Variants in TNFSF15 observed in about 807,000 individuals in gnomAD.
TNFSF15 encodes the protein TNF superfamily member 15, also known as tumor necrosis factor ligand superfamily member 15.
Under a neutral mutation model 26.4 loss-of-function variants are expected in TNFSF15, and 15 were observed. The observed-to-expected ratio is 0.57, with a 90% CI of 0.38 to 0.87. The LOEUF (loss-of-function observed/expected upper bound fraction) is 0.87. TNFSF15 is among the 40% of genes least tolerant of loss of function. The pLI, the probability that TNFSF15 is intolerant of heterozygous loss-of-function variation, is 0.00. For missense variants in TNFSF15, 290 were observed against 306.1 expected, an observed-to-expected ratio of 0.95 and a Z score of 0.39; for synonymous variants, 116 against 115.0, an observed-to-expected ratio of 1.01 and a Z score of -0.06.
At position 114,787,380 on chromosome 9, in the gene TNFSF15, A is replaced by G. The variant is rs1829519509; in HGVS notation, c.*3072T>C. ...TTAGCTAATACAACCAAAATAAATT[A>G]AAGAATCTGCAGACAGTAGAGGTGC... On this transcript the variant is annotated 3_prime_UTR_variant, in exon 4 of 4. Transcript: ENST00000374045. The G allele has an allele frequency of 6.6e-6, 1 of 152,242 alleles. No homozygotes were observed. Among genetic ancestry groups the G allele is most frequent in the Non-Finnish European group, 1.5e-5 (1 of 68,052 alleles). 9.4% of individuals were successfully genotyped at this position (152,242 alleles called of 1,614,324 possible). A position where few individuals can be genotyped will look rare whatever the true frequency, so the allele number is the denominator to read the frequency against.
rs1829481668 is a variant in TNFSF15 at position 114,785,339 on chromosome 9, C to T, written c.*5113G>A. The T allele has an allele frequency of 6.6e-6, 1 of 152,166 alleles. No individual in the cohort carries two copies. The highest frequency in any genetic ancestry group is 1.5e-5 in the Non-Finnish European group (1 of 68,038). The allele number at this position is 152,166 out of a possible 1,614,324, so 9.4% of individuals were successfully genotyped here. A position where few individuals can be genotyped will look rare whatever the true frequency, so the allele number is the denominator to read the frequency against. Reference sequence around the variant, plus strand: ...TCATTTCTAAAATTCCATGACATTTCTCTATTGGCCAAGATCTTAGGGGTA... The same window carrying T: ...TCATTTCTAAAATTCCATGACATTTTTCTATTGGCCAAGATCTTAGGGGTA... On this transcript the variant is annotated 3_prime_UTR_variant, in exon 4 of 4. Transcript: ENST00000374045.
intron 1 of TNFSF15, among the ~76,000 whole-genome samples, chr9:114,805,326 G>A (rs778563292): frequency 7.2e-5 from 11 of 151,888 alleles, no homozygotes; most frequent in South Asian, 2.1e-4. Flanking sequence ...GAATAATCTC[G>A]TCTCATTAAA....
chr9:114,798,038 CAG>C (rs1198335097), intron 1 of TNFSF15, among the ~76,000 whole-genome samples: 7 of 152,140 alleles, frequency 4.6e-5, no homozygotes, highest in Non-Finnish European at 1.0e-4. Context: ...TGACTTCAGC[CAG>C]AGTTTTATAA....
chr9:114,801,076 G>A lies in TNFSF15; in HGVS notation c.210+4727C>T, dbSNP rs773032050. Among the ~76,000 whole-genome samples the A allele has an allele frequency of 2.6e-5, 4 of 152,194 alleles. No individual in the cohort carries two copies. In the East Asian group the frequency reaches 7.7e-4, roughly 29 times the overall value. On this transcript the variant is annotated intron_variant, in intron 1 of 3. Coordinates refer to ENST00000374045, the MANE Select transcript of TNFSF15 (RefSeq NM_005118.4). ...AGTAGAACTGAAAAGGGAAGGACAG[G>A]TTGGGCAGTGGTTAAACCCTGGGCA...
intron 1 of TNFSF15, among the ~76,000 whole-genome samples, chr9:114,797,827 A>G (rs1025785945): frequency 6.6e-6 from 1 of 152,208 alleles, no homozygotes; most frequent in African/African-American, 2.4e-5. Context: ...TCCAGGATCG[A>G]ATTTTATTAT....
chr9:114,791,111 G>T (rs1472279770), intron 3 of TNFSF15: 2 of 623,666 alleles, frequency 3.2e-6, no homozygotes, highest in African/African-American at 3.7e-5. Context: ...CTAGTGACCT[G>T]GGGCAAATTA....
intron 3 of TNFSF15, chr9:114,792,018 T>C (rs1301042949): frequency 5.2e-6 from 1 of 190,708 alleles, no homozygotes; most frequent in Non-Finnish European, 1.2e-5. Context: ...GCTGATAGAA[T>C]CTGAAAGAAA....
chr9:114,791,587 C>T (rs1227561621), intron 3 of TNFSF15: 2 of 168,172 alleles, frequency 1.2e-5, no homozygotes, highest in South Asian at 2.0e-4. Context: ...GGGTATGCTT[C>T]CTTTTTAACC....
At chr9:114,791,865 A>G (rs1460097950) in intron 3 of TNFSF15, 2 of 168,488 alleles carry the variant, frequency 1.2e-5, no homozygotes, top group Non-Finnish European at 2.9e-5. Flanking sequence ...CAGGGCACAG[A>G]TGAACTAGAT....
At chr9:114,801,959 T>C (rs1829754634) in intron 1 of TNFSF15, among the ~76,000 whole-genome samples, 1 of 152,254 alleles carries the variant, frequency 6.6e-6, no homozygotes, top group Non-Finnish European at 1.5e-5. Context: ...TCCTGAGATA[T>C]AACATGCATT....
At chr9:114,796,158 G>A (rs1343220951) in intron 1 of TNFSF15, among the ~76,000 whole-genome samples, 1 of 151,934 alleles carries the variant, frequency 6.6e-6, no homozygotes, top group East Asian at 1.9e-4. Context: ...TTTCTATTTT[G>A]CAATTTTCTC....
In TNFSF15 at chr9:114,789,715, T is replaced by C. The variant is rs528229591; in HGVS notation, c.*737A>G. 6.6e-5 allele frequency: 10 copies of C among 152,466 alleles called. No homozygotes were observed. Among genetic ancestry groups the C allele is most frequent in the South Asian group, 2.1e-4 (1 of 4,834 alleles). The allele number at this position is 152,466 out of a possible 1,614,324, so 9.4% of individuals were successfully genotyped here. On this transcript the variant is annotated 3_prime_UTR_variant, in exon 4 of 4. Transcript: ENST00000374045. ...TGAGTGGAGTCTGTCTTGTTTTTCA[T>C]AGTGTCTTCTGGGTTAAGGTAGAAC...
chr9:114,796,382 C>G (rs1418678753), intron 1 of TNFSF15, among the ~76,000 whole-genome samples: 1 of 152,220 alleles, frequency 6.6e-6, no homozygotes, highest in Admixed American at 6.5e-5. Context: ...AGTCCAATCT[C>G]ATTTTGTCTT....
rs780469766 is a variant in TNFSF15, at chr9:114,792,542, T to C, written c.254-88A>G. The C allele has an allele frequency of 3.8e-6, 6 of 1,597,152 alleles. No homozygotes were observed. In the South Asian group the frequency reaches 5.6e-5, roughly 15 times the overall value. ...TTTGTGAGTTGCATGGCGCCTATGA[T>C]AGGAGAGAAACCTTGATCTCCTCCA... On this transcript the variant is annotated intron_variant, in intron 2 of 3. Transcript: ENST00000374045.
chr9:114,804,315 A>G (rs895967419), intron 1 of TNFSF15, among the ~76,000 whole-genome samples: 1 of 152,178 alleles, frequency 6.6e-6, no homozygotes, highest in Admixed American at 6.5e-5. Context: ...GTGACAGTGC[A>G]TGTCTCCATC....
chr9:114,794,334 C>A (rs1829648730), intron 1 of TNFSF15, among the ~76,000 whole-genome samples: 1 of 152,202 alleles, frequency 6.6e-6, no homozygotes, highest in African/African-American at 2.4e-5. Flanking sequence ...CCATCACTCA[C>A]ATACCTGAGC....
intron 1 of TNFSF15, among the ~76,000 whole-genome samples, chr9:114,794,521 C>T (rs72756541): frequency 0.22 from 34,151 of 151,948 alleles, 4,077 homozygotes; most frequent in South Asian, 0.26. Context: ...CTACTGGGCA[C>T]GTATTCAAAA....
intron 2 of TNFSF15, among the ~76,000 whole-genome samples, chr9:114,793,053 T>C (rs1829627342): frequency 6.6e-6 from 1 of 152,210 alleles, no homozygotes; most frequent in Non-Finnish European, 1.5e-5. Flanking sequence ...AGAAATATTA[T>C]GTTGGATTAG....
At chr9:114,805,668 A>G (rs937908574) in intron 1 of TNFSF15, 135 bp downstream of exon 1, 8 of 852,910 alleles carry the variant, frequency 9.4e-6, no homozygotes, top group South Asian at 1.8e-5. Flanking sequence ...CTCCCACTCT[A>G]CATTTCCTCT....
Sources: gnomAD v4.1 joint callset for allele counts (sites outside exome capture counted in the v4.1 genomes callset) on GRCh38, gnomAD v4.1.1 for gene constraint, MANE v1.5 for transcripts, NCBI Gene and HGNC (gene_info 2026-07-23, HGNC 2026-07-21) for gene names.